CACNA1D: variants seen among roughly 807,000 people sequenced by gnomAD.
CACNA1D encodes voltage-dependent L-type calcium channel subunit alpha-1D.
A neutral mutation model predicts 257.1 loss-of-function variants in CACNA1D; 55 were observed. That is an observed-to-expected ratio of 0.21 (90% confidence interval 0.17 to 0.27). CACNA1D has a LOEUF of 0.27. Ranked by LOEUF, CACNA1D falls within the 10% of genes least tolerant of loss-of-function variation. The pLI is 1.00. For missense variants in CACNA1D, 1,876 were observed against 2,784.0 expected, an observed-to-expected ratio of 0.67 and a Z score of 7.34; for synonymous variants, 980 against 1,014.9, an observed-to-expected ratio of 0.97 and a Z score of 0.65.
intron 7 of CACNA1D, among the ~76,000 whole-genome samples, chr3:53,671,115 A>G (rs1487965982): frequency 6.6e-6 from 1 of 152,162 alleles, no homozygotes; most frequent in Non-Finnish European, 1.5e-5. Context: ...TCTGATGAAC[A>G]CCTACTCCCA....
At chr3:53,747,204 C>A in intron 25 of CACNA1D, 98 bp from the exon 26 acceptor site, 1 of 994,996 alleles carries the variant, frequency 1.0e-6, no homozygotes, top group South Asian at 1.4e-5. Context: ...CTGAGTGTGA[C>A]CTGCCTGGAG....
intron 8 of CACNA1D, among the ~76,000 whole-genome samples, chr3:53,691,808 ATATAT>A (rs1167347278): frequency 2.9e-5 from 3 of 104,998 alleles, no homozygotes; most frequent in East Asian, 2.4e-4. Context: ...CATATATAAT[ATATAT>A]TATATATTAT....
At chr3:53,699,901 A>G (rs2094605786) in intron 8 of CACNA1D, among the ~76,000 whole-genome samples, 1 of 152,090 alleles carries the variant, frequency 6.6e-6, no homozygotes, top group Non-Finnish European at 1.5e-5. Context: ...GCAGTGGAAA[A>G]TGTACAACAG....
chr3:53,629,893 A>T (rs2093803358), intron 3 of CACNA1D, among the ~76,000 whole-genome samples: 2 of 152,234 alleles, frequency 1.3e-5, no homozygotes, highest in Non-Finnish European at 2.9e-5. Context: ...TTGCTGACTG[A>T]CAGTGTATTT....
Position 53,793,614 on chromosome 3 carries a change from T to G in CACNA1D, c.4924-6635T>G. On this transcript the variant is annotated intron_variant, in intron 40 of 47. Coordinates refer to ENST00000350061, the MANE Select transcript of CACNA1D (RefSeq NM_001128840.3). The surrounding 1 kb of genome is among the most constrained non-coding windows in gnomAD (Gnocchi z 4.1). ...CACTTTCTAGATGGGACTTAGGGAGTGATTTAAATGGAACAAGAGAGTCTT... is the reference window on the plus strand; with the variant it reads ...CACTTTCTAGATGGGACTTAGGGAGGGATTTAAATGGAACAAGAGAGTCTT... 6.6e-6 allele frequency among the ~76,000 whole-genome samples: 1 copy of G among 152,072 alleles called. No homozygotes were observed. Among genetic ancestry groups the G allele is most frequent in the East Asian group, 1.9e-4 (1 of 5,192 alleles).
chr3:53,697,325 G>A (rs994875193), intron 8 of CACNA1D, among the ~76,000 whole-genome samples: 13 of 152,168 alleles, frequency 8.5e-5, no homozygotes, highest in African/African-American at 2.9e-4. Context: ...AGTAGGAGTA[G>A]GGCTTGTTTT....
chr3:53,575,316 T>C (rs2093017593), intron 3 of CACNA1D, among the ~76,000 whole-genome samples: 1 of 151,890 alleles, frequency 6.6e-6, no homozygotes, highest in Admixed American at 6.6e-5. Context: ...CTTGCCAACC[T>C]GAAGGTGTGG....
intron 3 of CACNA1D, among the ~76,000 whole-genome samples, chr3:53,515,663 T>C (rs973657089): frequency 1.8e-4 from 28 of 152,158 alleles, no homozygotes; most frequent in Admixed American, 1.2e-3. Flanking sequence ...AGACCAAGGC[T>C]CACAGATGGG....
chr3:53,800,863 A>G lies in CACNA1D; in HGVS notation c.5041-195A>G, dbSNP rs1164428627. The stretch of plus-strand genomic sequence containing the variant: ...TGCTCCCCAGCTCAGGAAATCGGTA[A>G]CCTTCCTCATCTCGGGGGGACCAAC... On this transcript the variant is annotated intron_variant, in intron 41 of 47. Transcript: ENST00000350061. This position sits in a 1 kb window ranked among gnomAD's most constrained non-coding sequence, Gnocchi z 4.3. 1 of 632,874 alleles carries G rather than the reference A, an allele frequency of 1.6e-6. No homozygotes were observed. Among genetic ancestry groups the G allele is most frequent in the East Asian group, 2.7e-5 (1 of 36,618 alleles). The allele number at this position is 632,874 out of a possible 1,614,324, so 39.2% of individuals were successfully genotyped here. A position where few individuals can be genotyped will look rare whatever the true frequency, so the allele number is the denominator to read the frequency against.
At chr3:53,571,017 C>T (rs2092933845) in intron 3 of CACNA1D, among the ~76,000 whole-genome samples, 1 of 152,232 alleles carries the variant, frequency 6.6e-6, no homozygotes, top group Non-Finnish European at 1.5e-5. Flanking sequence ...CTGGCTGCCT[C>T]AGTCCTTCCC....
chr3:53,684,391 G>A (rs2094456577), intron 8 of CACNA1D, among the ~76,000 whole-genome samples: 2 of 152,192 alleles, frequency 1.3e-5, no homozygotes, highest in Non-Finnish European at 2.9e-5. Flanking sequence ...GGAGGCTGAG[G>A]CAGGCAGATC....
At chr3:53,524,766 T>C (rs1414405006) in intron 3 of CACNA1D, among the ~76,000 whole-genome samples, 1 of 152,242 alleles carries the variant, frequency 6.6e-6, no homozygotes, top group Non-Finnish European at 1.5e-5. Context: ...CTTTTTCACA[T>C]AGCCTGTGGA....
intron 3 of CACNA1D, among the ~76,000 whole-genome samples, chr3:53,577,949 G>C (rs1047667209): frequency 6.6e-6 from 1 of 151,956 alleles, no homozygotes. Flanking sequence ...GTTTTGGAAA[G>C]ATTTATTTTA....
At position 53,813,459 on chromosome 3, in the gene CACNA1D, C is replaced by G. The variant is rs2095609544; in HGVS notation, c.*2053C>G. ...TGGTTCCTTCGGTGCCAATGGTAACCTAATACCAGCCGCAGGGAGCGCCAT... is the reference window on the plus strand; with the variant it reads ...TGGTTCCTTCGGTGCCAATGGTAACGTAATACCAGCCGCAGGGAGCGCCAT... On this transcript the variant is annotated 3_prime_UTR_variant, in exon 48 of 48. Coordinates refer to ENST00000350061, the MANE Select transcript of CACNA1D (RefSeq NM_001128840.3). 1 of 152,194 alleles carries G rather than the reference C, an allele frequency of 6.6e-6. No individual in the cohort carries two copies. The highest frequency in any genetic ancestry group is 1.5e-5 in the Non-Finnish European group (1 of 68,046). The allele number at this position is 152,194 out of a possible 1,614,324, so 9.4% of individuals were successfully genotyped here.
rs1002261013 is a variant in CACNA1D at position 53,580,754 on chromosome 3, T to C, written c.484-70025T>C. Among the ~76,000 whole-genome samples the C allele has an allele frequency of 7.2e-5, 11 of 152,262 alleles. 1 individual carries two copies. The highest frequency in any genetic ancestry group is 2.7e-4 in the African/African-American group (11 of 41,466). ...TTGTTGAATGAATAAACAAATGGGA[T>C]ACACCTGTCTTTCTTAAATTGCAGA... On this transcript the variant is annotated intron_variant, in intron 3 of 47. Coordinates refer to ENST00000350061, the MANE Select transcript of CACNA1D (RefSeq NM_001128840.3).
intron 3 of CACNA1D, among the ~76,000 whole-genome samples, chr3:53,518,865 A>G (rs1461593033): frequency 1.3e-5 from 2 of 152,160 alleles, no homozygotes; most frequent in South Asian, 2.1e-4. Context: ...CAAGCTTACT[A>G]CTTTGAAGGA....
intron 9 of CACNA1D, among the ~76,000 whole-genome samples, chr3:53,710,072 ACT>A (rs1386230116): frequency 6.6e-6 from 1 of 151,644 alleles, no homozygotes; most frequent in East Asian, 1.9e-4. Context: ...AGGGCTCCTG[ACT>A]CCCCCTAAAG....
intron 9 of CACNA1D, among the ~76,000 whole-genome samples, chr3:53,715,660 A>G (rs1034142987): frequency 1.3e-5 from 2 of 152,204 alleles, no homozygotes; most frequent in African/African-American, 4.8e-5. Flanking sequence ...GGAGATGTAC[A>G]GAAGTCAGGT....
At chr3:53,719,373 A>C (rs920700225) in intron 10 of CACNA1D, among the ~76,000 whole-genome samples, 1 of 152,180 alleles carries the variant, frequency 6.6e-6, no homozygotes, top group African/African-American at 2.4e-5. Context: ...ATACTCACCC[A>C]GTGGGAGAAT....
Sources: allele counts gnomAD v4.1 joint callset (sites outside exome capture counted in the v4.1 genomes callset), GRCh38; gene constraint gnomAD v4.1.1; non-coding constraint Gnocchi (gnomAD v3.1); transcripts MANE v1.5; gene names NCBI Gene and HGNC (gene_info 2026-07-23, HGNC 2026-07-21).